The following ANGEL1 variants were observed in gnomAD, a reference collection of about 807,000 sequenced individuals.
The protein encoded by ANGEL1 is RNA 2',3'-cyclic phosphatase ANGEL1.
A neutral mutation model predicts 76.4 loss-of-function variants in ANGEL1; 62 were observed. The ratio of observed to expected loss-of-function variants is 0.81; its 90% CI spans 0.66 to 1.00. The LOEUF (loss-of-function observed/expected upper bound fraction) is 1.00. Among genes scored for constraint, ANGEL1 ranks in the 50% least tolerant of loss-of-function variants. The pLI is 0.00. For missense variants in ANGEL1, 737 were observed against 836.7 expected (o/e 0.88, Z 1.47); for synonymous variants, 340 against 331.7 (o/e 1.03, Z -0.27).
At position 76,812,654 on chromosome 14, in the gene ANGEL1, G is replaced by T. The variant is rs1456064463; in HGVS notation, c.64+110C>A. 7.3e-6 allele frequency: 10 copies of T among 1,366,372 alleles called. No individual in the cohort carries two copies. The African/African-American group carries it at 1.5e-4, about 21-fold the overall frequency. The allele number at this position is 1,366,372 out of a possible 1,614,324, so 84.6% of individuals were successfully genotyped here. On this transcript the variant is annotated intron_variant, in intron 1 of 9. Coordinates refer to ENST00000251089, the MANE Select transcript of ANGEL1 (RefSeq NM_015305.4). ...CCTCCCTACACCTCGGCACTGCCCG[G>T]GGCACGGTAGTCGTGAGGCCCGGCC...
intron 9 of ANGEL1, among the ~76,000 whole-genome samples, chr14:76,790,169 A>G (rs747996880): frequency 3.9e-5 from 6 of 152,104 alleles, no homozygotes; most frequent in Non-Finnish European, 7.4e-5. Flanking sequence ...GTGCCTGGCC[A>G]TAACAGTAAT....
In ANGEL1 at chr14:76,786,176, T is replaced by C; in HGVS notation, c.*3052A>G. 6.5e-6 allele frequency: 1 copy of C among 153,764 alleles called. No individual in the cohort carries two copies. The highest frequency in any genetic ancestry group is 1.9e-4 in the East Asian group (1 of 5,314). The allele number at this position is 153,764 out of a possible 1,614,324, so 9.5% of individuals were successfully genotyped here. ...TCTTTTCTTTTCTTTTCTTTTTTTT[T>C]TTTTGAGATGGAGTTTCACTCTTGT... On this transcript the variant is annotated 3_prime_UTR_variant, in exon 10 of 10. Coordinates refer to ENST00000251089, the MANE Select transcript of ANGEL1 (RefSeq NM_015305.4).
At position 76,809,265 on chromosome 14, in the gene ANGEL1, G is replaced by A. The variant is rs1895013007; in HGVS notation, c.443C>T (p.Ala148Val). 1 of 1,613,186 alleles carries A rather than the reference G, an allele frequency of 6.2e-7. No individual in the cohort carries two copies. Among genetic ancestry groups the A allele is most frequent in the Non-Finnish European group, 8.5e-7 (1 of 1,179,488 alleles). The stretch of plus-strand genomic sequence containing the variant: ...GGGCTCCGACTGCATGGGGATAGCT[G>A]CCCACATGGAGCCCTCCACCCCCTC... ...EVEGVEGSMW[A>V]AIPMQSEPQY... The change falls in exon 2 of 10, where the codon GCA becomes GTA. Residue 148 changes from alanine to valine, a missense_variant. Transcript: ENST00000251089.
chr14:76,809,029 T>C (rs1160882074), intron 2 of ANGEL1, 30 bp downstream of exon 2: 3 of 1,578,780 alleles, frequency 1.9e-6, no homozygotes, highest in Admixed American at 1.7e-5. Context: ...CCCTGTTCCC[T>C]TGGCTCACTC....
At chr14:76,793,557 G>GC (rs1555360794) in intron 7 of ANGEL1, among the ~76,000 whole-genome samples, 2 of 131,868 alleles carry the variant, frequency 1.5e-5, no homozygotes, top group Admixed American at 1.6e-4. Flanking sequence ...GGTTTTTTTG[G>GC]TTTTTTTTTT....
intron 7 of ANGEL1, among the ~76,000 whole-genome samples, chr14:76,797,895 A>G (rs1350732520): frequency 6.6e-6 from 1 of 152,248 alleles, no homozygotes; most frequent in Non-Finnish European, 1.5e-5. Context: ...GCTATGGTCT[A>G]AATGTTTGTG....
chr14:76,809,094 T>G lies in ANGEL1; in HGVS notation c.614A>C (p.Gln205Pro), dbSNP rs771898117. ...TATTTCCACTGCGGGAGGCTGCAACTGCCCCAGGCCCTCAAAGGGCCAGAT... is the reference window on the plus strand; with the variant it reads ...TATTTCCACTGCGGGAGGCTGCAACGGCCCCAGGCCCTCAAAGGGCCAGAT... ...ASIWPFEGLG[Q>P]LQPPAVEIPY... Residue 205 changes from glutamine (Q) to proline (P), a missense_variant, in exon 2 of 10, where the codon CAG becomes CCG. Gln to Pro is a moderately conservative substitution (Grantham distance 76). Coordinates refer to ENST00000251089, the MANE Select transcript of ANGEL1 (RefSeq NM_015305.4). The G allele has an allele frequency of 1.2e-6, 2 of 1,613,806 alleles. No individual in the cohort carries two copies. The highest frequency in any genetic ancestry group is 1.7e-6 in the Non-Finnish European group (2 of 1,179,818).
At position 76,806,611 on chromosome 14, in the gene ANGEL1, G is replaced by A. The variant is rs762730788; in HGVS notation, c.1185C>T (p.Tyr395=). ...GCTTGACATCGCCCCGGCGTGGGTT[G>A]TAAAGGATATGGGTATTTGCCACAC... ...PLCVANTHIL[Y]NPRRGDVKLA... is the part of the protein sequence containing the mutation. Residue 395 remains tyrosine (Y), a synonymous_variant, in exon 5 of 10, where the codon TAC becomes TAT. Transcript: ENST00000251089. 1.2e-6 allele frequency: 2 copies of A among 1,614,200 alleles called. No individual in the cohort carries two copies. The highest frequency in any genetic ancestry group is 1.3e-5 in the African/African-American group (1 of 75,050).
chr14:76,808,460 G>C (rs1398008638), intron 2 of ANGEL1, among the ~76,000 whole-genome samples: 3 of 147,924 alleles, frequency 2.0e-5, no homozygotes, highest in African/African-American at 7.3e-5. Flanking sequence ...GAATCACTCA[G>C]ATGAGTGTGC....
chr14:76,807,630 G>A (rs1566701402), intron 3 of ANGEL1, 128 bp from the exon 4 acceptor site: 8 of 854,282 alleles, frequency 9.4e-6, no homozygotes, highest in South Asian at 1.5e-5. Context: ...GTCACCAACA[G>A]CAAGAACAGG....
rs1385082530 is a variant in ANGEL1 at position 76,789,166 on chromosome 14, T to C, written c.*62A>G. The C allele has an allele frequency of 6.3e-7, 1 of 1,575,364 alleles. No individual in the cohort carries two copies. Among genetic ancestry groups the C allele is most frequent in the Non-Finnish European group, 8.6e-7 (1 of 1,161,054 alleles). On this transcript the variant is annotated 3_prime_UTR_variant, in exon 10 of 10. Transcript: ENST00000251089. ...TAAGTTTCTAGATGCATGGGATTTT[T>C]CCACAGTCTCTGATCCAGTGAGCTC...
chr14:76,799,212 C>G (rs1272205920), intron 7 of ANGEL1, among the ~76,000 whole-genome samples: 1 of 141,434 alleles, frequency 7.1e-6, no homozygotes. Flanking sequence ...GTTAGCATAT[C>G]TAATCAGAGC....
Position 76,790,603 on chromosome 14 carries a change from A to C in ANGEL1, c.1852+8T>G. The C allele has an allele frequency of 1.2e-6, 2 of 1,606,038 alleles. No individual in the cohort carries two copies. The highest frequency in any genetic ancestry group is 4.5e-5 in the East Asian group (2 of 44,724). On this transcript the variant is annotated splice_region_variant and intron_variant, in intron 9 of 9. Transcript: ENST00000251089. Reference sequence around the variant, plus strand: ...GGGGTGGAGGAACCCAGGATCCATCAGGCTTACCAGTTCTGTTCCCATTCT... The same window carrying C: ...GGGGTGGAGGAACCCAGGATCCATCCGGCTTACCAGTTCTGTTCCCATTCT...
intron 5 of ANGEL1, chr14:76,804,523 T>C: frequency 1.1e-6 from 1 of 904,664 alleles, no homozygotes; most frequent in Non-Finnish European, 1.3e-6. Context: ...CAACAACAAA[T>C]ATTTGAAAGC....
In ANGEL1 at chr14:76,803,401, G is replaced by A. The variant is rs1158161838; in HGVS notation, c.1588C>T (p.Leu530Phe). Residue 530 changes from leucine to phenylalanine, a missense_variant, in exon 7 of 10, where the codon CTT becomes TTT. Leu to Phe is a conservative substitution (Grantham distance 22, BLOSUM62 0). Coordinates refer to ENST00000251089, the MANE Select transcript of ANGEL1 (RefSeq NM_015305.4). ...IACQRPVGLV[L>F]MEGVTDTKPE... ...TTAGTATCTGTCACTCCTTCCATAA[G>A]GACCAGTCCTACTGGTCGCTGACAA... 2 of 1,614,006 alleles carry A rather than the reference G, an allele frequency of 1.2e-6. No homozygotes were observed. The highest frequency in any genetic ancestry group is 2.2e-5 in the East Asian group (1 of 44,900).
In ANGEL1 at chr14:76,790,597, T is replaced by G; in HGVS notation, c.1852+14A>C. 2 of 1,602,660 alleles carry G rather than the reference T, an allele frequency of 1.2e-6. No individual in the cohort carries two copies. Among genetic ancestry groups the G allele is most frequent in the Non-Finnish European group, 1.7e-6 (2 of 1,171,880 alleles). The stretch of plus-strand genomic sequence containing the variant: ...GACCTGGGGGTGGAGGAACCCAGGA[T>G]CCATCAGGCTTACCAGTTCTGTTCC... On this transcript the variant is annotated intron_variant, in intron 9 of 9. Coordinates refer to ENST00000251089, the MANE Select transcript of ANGEL1 (RefSeq NM_015305.4).
At chr14:76,801,143 C>T (rs1595301907) in intron 7 of ANGEL1, among the ~76,000 whole-genome samples, 1 of 149,718 alleles carries the variant, frequency 6.7e-6, no homozygotes, top group African/African-American at 2.5e-5. Flanking sequence ...CACAGTCTCA[C>T]TCTGTCACCC....
intron 7 of ANGEL1, among the ~76,000 whole-genome samples, chr14:76,800,595 T>C (rs1894731373): frequency 6.6e-6 from 1 of 152,214 alleles, no homozygotes; most frequent in Admixed American, 6.5e-5. Context: ...ATGTTGTTAG[T>C]TGAGTATAAT....
At position 76,803,504 on chromosome 14, in the gene ANGEL1, T is replaced by C. The variant is rs767624240; in HGVS notation, c.1508-23A>G. 8.7e-6 allele frequency: 14 copies of C among 1,609,962 alleles called. No individual in the cohort carries two copies. In the South Asian group the frequency reaches 1.1e-4, roughly 13 times the overall value. On this transcript the variant is annotated intron_variant, in intron 6 of 9. Transcript: ENST00000251089. ...TCTCTGTAAACCAGGAAAAGACATA[T>C]AGTGAAAGAAAGACGATGAAGCCAC...
Sources: allele counts gnomAD v4.1 joint callset (sites outside exome capture counted in the v4.1 genomes callset), GRCh38; gene constraint gnomAD v4.1.1; transcripts MANE v1.5; gene names NCBI Gene and HGNC (gene_info 2026-07-23, HGNC 2026-07-21).